Variants in PKD2L2 observed in about 807,000 individuals in gnomAD.
PKD2L2 encodes polycystin-2-like protein 2.
A neutral mutation model predicts 83.9 loss-of-function variants in PKD2L2; 67 were observed. The ratio of observed to expected loss-of-function variants is 0.80; its 90% CI spans 0.66 to 0.98. The LOEUF (loss-of-function observed/expected upper bound fraction) is 0.98, where lower values mean the gene tolerates loss of function less well. PKD2L2 is among the 50% of genes least tolerant of loss of function. The pLI, the probability that PKD2L2 is intolerant of heterozygous loss-of-function variation, is 0.00. For missense variants in PKD2L2, 632 were observed against 717.2 expected (o/e 0.88, Z 1.36); for synonymous variants, 223 against 237.8 (o/e 0.94, Z 0.57).
At chr5:137,928,876 A>G (rs1377206819) in intron 12 of PKD2L2, among the ~76,000 whole-genome samples, 1 of 152,158 alleles carries the variant, frequency 6.6e-6, no homozygotes, top group East Asian at 1.9e-4. Context: ...GCCCAGCCCT[A>G]TTTTATTGAT....
intron 10 of PKD2L2, 105 bp downstream of exon 10, chr5:137,923,626 A>C: frequency 1.5e-6 from 1 of 686,470 alleles, no homozygotes; most frequent in Non-Finnish European, 2.7e-6. Context: ...TGCTCTCCCC[A>C]CTCCCACCCC....
At chr5:137,940,549 T>C in intron 14 of PKD2L2, 1 of 525,618 alleles carries the variant, frequency 1.9e-6, no homozygotes, top group South Asian at 2.7e-5. Context: ...ACTTCTCTAC[T>C]GATAGATTAA....
Position 137,908,900 on chromosome 5 carries a change from G to A in PKD2L2, c.1282G>A (p.Val428Ile). The A allele has an allele frequency of 1.2e-6, 2 of 1,609,578 alleles. No individual in the cohort carries two copies. Among genetic ancestry groups the A allele is most frequent in the Non-Finnish European group, 8.5e-7 (1 of 1,177,194 alleles). Reference sequence around the variant, plus strand: ...TGCTTATGCCCAGTTAGGATTTCTTGTTTTTGGATCACAAGTTGATGACTT... The same window carrying A: ...TGCTTATGCCCAGTTAGGATTTCTTATTTTTGGATCACAAGTTGATGACTT... Reference protein sequence around the residue: ...FFAYAQLGFLVFGSQVDDFST... With the variant: ...FFAYAQLGFLIFGSQVDDFST... Residue 428 changes from valine (V) to isoleucine (I), a missense_variant, in exon 8 of 15, where the codon GTT becomes ATT. By Grantham distance (29) the Val-to-Ile change is conservative. Transcript: ENST00000508883.
At chr5:137,942,117 G>A in intron 14 of PKD2L2, 1 of 1,301,918 alleles carries the variant, frequency 7.7e-7, no homozygotes, top group Non-Finnish European at 1.1e-6. Context: ...TTCTATTTCT[G>A]GCTGCAAATT....
At chr5:137,910,674 G>A (rs764310256) in intron 8 of PKD2L2, among the ~76,000 whole-genome samples, 2 of 151,946 alleles carry the variant, frequency 1.3e-5, no homozygotes, top group African/African-American at 2.4e-5. Flanking sequence ...CAGCTACTCA[G>A]GAGGCTGAGG....
At chr5:137,934,434 T>C (rs945318993) in intron 12 of PKD2L2, among the ~76,000 whole-genome samples, 12 of 152,208 alleles carry the variant, frequency 7.9e-5, no homozygotes, top group Non-Finnish European at 1.6e-4. Context: ...TTAAAAGTAT[T>C]AGTAAATGAG....
intron 5 of PKD2L2, among the ~76,000 whole-genome samples, chr5:137,902,147 T>C (rs759362048): frequency 1.3e-5 from 2 of 152,070 alleles, no homozygotes; most frequent in Non-Finnish European, 2.9e-5. Context: ...AGAAAACAAA[T>C]GGACATTAGA....
At chr5:137,917,471 CTTCTT>C (rs1758480679) in intron 8 of PKD2L2, among the ~76,000 whole-genome samples, 1 of 152,078 alleles carries the variant, frequency 6.6e-6, no homozygotes, top group Non-Finnish European at 1.5e-5. Context: ...GTTCACTTTT[CTTCTT>C]TTTTCTGTTT....
At chr5:137,939,876 G>T in intron 14 of PKD2L2, 1 of 1,333,184 alleles carries the variant, frequency 7.5e-7, no homozygotes, top group Non-Finnish European at 9.6e-7. Flanking sequence ...GAAACAAAAA[G>T]TTGGTAATAA....
At chr5:137,910,231 C>CCATAAT (rs1191279910) in intron 8 of PKD2L2, among the ~76,000 whole-genome samples, 1 of 138,932 alleles carries the variant, frequency 7.2e-6, no homozygotes, top group Non-Finnish European at 1.5e-5. Context: ...ATCTCTAAAA[C>CCATAAT]AATAATAATA....
intron 5 of PKD2L2, among the ~76,000 whole-genome samples, chr5:137,901,239 G>A (rs1016925982): frequency 6.6e-6 from 1 of 152,148 alleles, no homozygotes; most frequent in African/African-American, 2.4e-5. Context: ...GCAAAGATTG[G>A]TTTGATACTT....
intron 8 of PKD2L2, among the ~76,000 whole-genome samples, chr5:137,920,161 C>G (rs1156728055): frequency 6.6e-6 from 1 of 152,160 alleles, no homozygotes; most frequent in Non-Finnish European, 1.5e-5. Context: ...CAAGATCCCA[C>G]CACTGCACTC....
chr5:137,942,017 C>T (rs777629102), intron 14 of PKD2L2: 6 of 1,613,974 alleles, frequency 3.7e-6, no homozygotes, highest in Non-Finnish European at 5.1e-6. Flanking sequence ...TCAGCTCTGG[C>T]TTTCCAAAGT....
chr5:137,930,098 C>T (rs1479608691), intron 12 of PKD2L2, among the ~76,000 whole-genome samples: 1 of 151,756 alleles, frequency 6.6e-6, no homozygotes, highest in Admixed American at 6.6e-5. Flanking sequence ...TCAAGAAAAA[C>T]AAACGGATTA....
At chr5:137,940,823 A>G (rs563086008) in intron 14 of PKD2L2, among the ~76,000 whole-genome samples, 1 of 152,356 alleles carries the variant, frequency 6.6e-6, no homozygotes, top group Admixed American at 6.5e-5. Context: ...CTAAAGCATC[A>G]AACTATCCTA....
chr5:137,908,133 A>G (rs151017616), intron 7 of PKD2L2, among the ~76,000 whole-genome samples: 1 of 151,856 alleles, frequency 6.6e-6, no homozygotes, highest in East Asian at 1.9e-4. Context: ...GGGAAATCCT[A>G]TCTCTACAAA....
At chr5:137,904,378 G>T (rs1231290453) in intron 5 of PKD2L2, among the ~76,000 whole-genome samples, 2 of 152,088 alleles carry the variant, frequency 1.3e-5, no homozygotes, top group Non-Finnish European at 2.9e-5. Flanking sequence ...GAAAAAAATG[G>T]AATAATGACT....
At chr5:137,894,248 A>G (rs750844641) in intron 3 of PKD2L2, 105 bp from the exon 4 acceptor site, 180 of 997,782 alleles carry the variant, frequency 1.8e-4, no homozygotes, top group Non-Finnish European at 2.4e-4. Flanking sequence ...AGCTTGGTCA[A>G]TAGTTTGATT....
chr5:137,923,283 G>A, intron 9 of PKD2L2, 137 bp from the exon 10 acceptor site: 1 of 534,232 alleles, frequency 1.9e-6, no homozygotes, highest in Non-Finnish European at 3.4e-6. Flanking sequence ...CCTGGGTGCT[G>A]GGATTACAGG....
Sources: allele counts gnomAD v4.1 joint callset (sites outside exome capture counted in the v4.1 genomes callset), GRCh38; gene constraint gnomAD v4.1.1; transcripts MANE v1.5; gene names NCBI Gene and HGNC (gene_info 2026-07-23, HGNC 2026-07-21).